KLHL6: variants seen among roughly 807,000 people sequenced by gnomAD.
KLHL6 encodes kelch like family member 6.
In KLHL6, 41 loss-of-function variants were observed where a neutral mutation model predicts 58.6. The ratio of observed to expected loss-of-function variants is 0.70; its 90% confidence interval spans 0.55 to 0.91. KLHL6 has a LOEUF of 0.91. Among genes scored for constraint, KLHL6 ranks in the 40% least tolerant of loss-of-function variants. KLHL6 has a pLI of 0.00. For missense variants in KLHL6, 714 were observed against 805.6 expected (o/e 0.89, Z 1.38); for synonymous variants, 338 against 322.7 (o/e 1.05, Z -0.51).
intron 2 of KLHL6, among the ~76,000 whole-genome samples, chr3:183,518,647 A>C (rs1361796773): frequency 6.6e-6 from 1 of 152,216 alleles, no homozygotes; most frequent in African/African-American, 2.4e-5. Flanking sequence ...AAAGAAGATA[A>C]TTCTTGGCTT....
chr3:183,540,951 C>T (rs1323527506), intron 1 of KLHL6, among the ~76,000 whole-genome samples: 1 of 152,174 alleles, frequency 6.6e-6, no homozygotes, highest in African/African-American at 2.4e-5. Flanking sequence ...ACATCCCGAC[C>T]AGGCTATTGC....
chr3:183,533,782 C>A (rs1178455166), intron 1 of KLHL6, among the ~76,000 whole-genome samples: 2 of 151,976 alleles, frequency 1.3e-5, no homozygotes, highest in African/African-American at 4.8e-5. Context: ...CCGCCTCCGT[C>A]CTTCCCCCTC....
intron 1 of KLHL6, among the ~76,000 whole-genome samples, chr3:183,531,451 T>TTGTG (rs1553812194): frequency 7.6e-6 from 1 of 131,302 alleles, no homozygotes; most frequent in African/African-American, 3.1e-5. Flanking sequence ...GTGTTTTTTT[T>TTGTG]TTTTTTTTTT....
chr3:183,546,911 C>CT (rs397991831), intron 1 of KLHL6, among the ~76,000 whole-genome samples: 100,504 of 132,776 alleles, frequency 0.76, 38,335 homozygotes, highest in Middle Eastern at 0.8. Context: ...TGCCATAAGT[C>CT]TTTTTTTTTT....
intron 5 of KLHL6, 148 bp downstream of exon 5, chr3:183,493,931 G>A: frequency 2.8e-6 from 2 of 716,038 alleles, no homozygotes; most frequent in Non-Finnish European, 2.5e-6. Flanking sequence ...GCTCCTAGGA[G>A]GAGGGAAGCT....
At chr3:183,537,409 G>A (rs1342620919) in intron 1 of KLHL6, among the ~76,000 whole-genome samples, 2 of 152,118 alleles carry the variant, frequency 1.3e-5, no homozygotes, top group African/African-American at 2.4e-5. Context: ...TTATCCTGTG[G>A]CATACATGCA....
intron 1 of KLHL6, among the ~76,000 whole-genome samples, chr3:183,550,042 A>G (rs78100467): frequency 0.013 from 1,952 of 152,280 alleles, 34 homozygotes; most frequent in African/African-American, 0.045. Flanking sequence ...CCTCAAAGAG[A>G]TTAAGTGAAA....
chr3:183,516,453 T>TG (rs1475879213), intron 2 of KLHL6, among the ~76,000 whole-genome samples: 1 of 152,232 alleles, frequency 6.6e-6, no homozygotes, highest in Non-Finnish European at 1.5e-5. Context: ...GCTTCCTGTT[T>TG]GGGGGGACAT....
intron 2 of KLHL6, among the ~76,000 whole-genome samples, chr3:183,512,284 T>G (rs772599553): frequency 2.0e-5 from 3 of 152,154 alleles, no homozygotes; most frequent in Admixed American, 6.5e-5. Context: ...AGTAGATATT[T>G]CTAGGAACTT....
At position 183,508,502 on chromosome 3, in the gene KLHL6, G is replaced by T. The variant is rs1316623568; in HGVS notation, c.466C>A (p.Arg156=). ...AAGCTGGCACAGGCATCCACCATCCGCAGGAACTGATGAAATAGAAAGGGT... is the reference window on the plus strand; with the variant it reads ...AAGCTGGCACAGGCATCCACCATCCTCAGGAACTGATGAAATAGAAAGGGT... ...LEAANLFQFL[R]MVDACASFLT... is the part of the protein sequence containing the mutation. Residue 156 remains arginine, a synonymous_variant, in exon 3 of 7, where the codon CGG becomes AGG. Transcript: ENST00000341319. 6.2e-7 allele frequency: 1 copy of T among 1,612,360 alleles called. No individual in the cohort carries two copies. The highest frequency in any genetic ancestry group is 8.5e-7 in the Non-Finnish European group (1 of 1,179,004).
rs1299514780 is a variant in KLHL6 at position 183,534,114 on chromosome 3, T to TTACTTTTAAAG, written c.294-6115_294-6105dup. On this transcript the variant is annotated intron_variant, in intron 1 of 6. Transcript: ENST00000341319. ...ACTTTTAAAGTACTTTAAAAGTACTTTACTTTTAAAGTACTTTGTACTTTT... is the reference window on the plus strand; with the variant it reads ...ACTTTTAAAGTACTTTAAAAGTACTTTACTTTTAAAGTACTTTTAAAGTACTTTGTACTTTT... 5.4e-3 allele frequency among the ~76,000 whole-genome samples: 678 copies of TTACTTTTAAAG among 126,294 alleles called. 28 individuals are homozygous for TTACTTTTAAAG. The highest frequency in any genetic ancestry group is 0.022 in the African/African-American group (632 of 29,274). The allele number at this position is 126,294 out of a possible 152,430, so 82.9% of individuals were successfully genotyped here. A position where few individuals can be genotyped will look rare whatever the true frequency, so the allele number is the denominator to read the frequency against.
chr3:183,515,188 A>G (rs78328580), intron 2 of KLHL6, among the ~76,000 whole-genome samples: 269 of 152,346 alleles, frequency 1.8e-3, no homozygotes, highest in African/African-American at 6.0e-3. Flanking sequence ...AGAGAGGAAG[A>G]GAGCCAGAGT....
chr3:183,515,015 A>G (rs574110306), intron 2 of KLHL6, among the ~76,000 whole-genome samples: 12 of 152,304 alleles, frequency 7.9e-5, no homozygotes, highest in Middle Eastern at 3.4e-3. Context: ...GGATCAATGG[A>G]TCGATCCAGA....
intron 4 of KLHL6, among the ~76,000 whole-genome samples, chr3:183,495,807 T>C (rs1012241847): frequency 3.9e-5 from 6 of 152,102 alleles, no homozygotes; most frequent in Non-Finnish European, 7.4e-5. Context: ...TTATCAAATA[T>C]TAAAATATAC....
rs1553811014 is a variant in KLHL6, at chr3:183,525,265, A to ACACACACACAC, written c.459+2579_459+2580insGTGTGTGTGTG. On this transcript the variant is annotated intron_variant, in intron 2 of 6. Transcript: ENST00000341319. The stretch of plus-strand genomic sequence containing the variant: ...GGCAACAGAGTGAGACTCTCTAAAA[A>ACACACACACAC]AAAAACACACACACACACACACACA... 2.3e-3 allele frequency among the ~76,000 whole-genome samples: 121 copies of ACACACACACAC among 52,658 alleles called. 1 individual carries two copies. Among genetic ancestry groups the ACACACACACAC allele is most frequent in the African/African-American group, 5.7e-3 (103 of 18,084 alleles). The allele number at this position is 52,658 out of a possible 152,430, so 34.5% of individuals were successfully genotyped here. A position where few individuals can be genotyped will look rare whatever the true frequency, so the allele number is the denominator to read the frequency against.
chr3:183,522,088 G>A (rs1462908380), intron 2 of KLHL6, among the ~76,000 whole-genome samples: 5 of 151,054 alleles, frequency 3.3e-5, no homozygotes, highest in African/African-American at 1.2e-4. Context: ...CACTTTGGGA[G>A]GCCAAGCCAG....
Position 183,492,407 on chromosome 3 carries a change from G to A in KLHL6, c.1564+87C>T, listed in dbSNP as rs545083422. ...TAGGGGCAGTGAGTTGCCAGCGCTG[G>A]AGACACCGCGACACACCGTTTACGT... On this transcript the variant is annotated intron_variant, in intron 6 of 6. Coordinates refer to ENST00000341319, the MANE Select transcript of KLHL6 (RefSeq NM_130446.4). The surrounding 1 kb of genome is among the most constrained non-coding windows in gnomAD (Gnocchi z 5.9). The A allele has an allele frequency of 6.8e-7, 1 of 1,461,086 alleles. No individual in the cohort carries two copies. The highest frequency in any genetic ancestry group is 9.4e-7 in the Non-Finnish European group (1 of 1,058,786). 90.5% of individuals were successfully genotyped at this position (1,461,086 alleles called of 1,614,324 possible). A position where few individuals can be genotyped will look rare whatever the true frequency, so the allele number is the denominator to read the frequency against.
chr3:183,519,922 A>G (rs1293849092), intron 2 of KLHL6, among the ~76,000 whole-genome samples: 1 of 151,052 alleles, frequency 6.6e-6, no homozygotes, highest in Non-Finnish European at 1.5e-5. Flanking sequence ...AAAAAACAAG[A>G]AAACAGAAAA....
At chr3:183,500,810 C>T (rs891600548) in intron 3 of KLHL6, among the ~76,000 whole-genome samples, 6 of 152,118 alleles carry the variant, frequency 3.9e-5, no homozygotes, top group East Asian at 1.9e-4. Flanking sequence ...TGGCCAAAGT[C>T]GCCAATTTTC....
Sources: gnomAD v4.1 joint callset for allele counts (sites outside exome capture counted in the v4.1 genomes callset) on GRCh38, gnomAD v4.1.1 for gene constraint, Gnocchi (gnomAD v3.1) non-coding constraint, MANE v1.5 for transcripts, NCBI Gene and HGNC (gene_info 2026-07-23, HGNC 2026-07-21) for gene names.